The following GPR89B variants were observed in gnomAD, a reference collection of about 807,000 sequenced individuals.
GPR89B encodes golgi pH regulator B, also known as G protein-coupled receptor 89B.
Under a neutral mutation model 52.4 loss-of-function variants are expected in GPR89B, and 25 were observed. The observed-to-expected ratio is 0.48, with a 90% CI of 0.35 to 0.67. The LOEUF (loss-of-function observed/expected upper bound fraction) is 0.67, where lower values mean the gene tolerates loss of function less well. Ranked by LOEUF, GPR89B falls within the 30% of genes least tolerant of loss-of-function variation. GPR89B has a pLI of 0.01. For synonymous variants in GPR89B, 52 were observed against 151.2 expected (o/e 0.34, Z 4.81); for missense variants, 146 against 450.2 (o/e 0.32, Z 6.11).
the GPR89B span, among the ~76,000 whole-genome samples, chr1:148,019,429 G>A: frequency 6.6e-6 from 1 of 151,666 alleles, no homozygotes; most frequent in Non-Finnish European, 1.5e-5. Flanking sequence ...TTGGAGGGTG[G>A]GGGTTGGGAG....
chr1:147,974,868 T>G (rs1258198141), intron 10 of GPR89B, among the ~76,000 whole-genome samples: 1 of 142,016 alleles, frequency 7.0e-6, no homozygotes, highest in Non-Finnish European at 1.5e-5. Context: ...TTATTGAGAG[T>G]TTTTAGCATG....
the GPR89B span, among the ~76,000 whole-genome samples, chr1:148,019,628 C>G: frequency 6.6e-6 from 1 of 151,972 alleles, no homozygotes; most frequent in Non-Finnish European, 1.5e-5. Context: ...AAATAAACAA[C>G]AACAACAAAA....
At chr1:148,011,789 G>A in the GPR89B span, 1 of 152,182 alleles carries the variant, frequency 6.6e-6, no homozygotes, top group Non-Finnish European at 1.5e-5. Flanking sequence ...TGTGTCAATA[G>A]GTGTTAGCCT....
At chr1:147,981,037 G>GA (rs1218923284) in intron 10 of GPR89B, among the ~76,000 whole-genome samples, 3 of 151,366 alleles carry the variant, frequency 2.0e-5, no homozygotes, top group Admixed American at 6.6e-5. Flanking sequence ...GGTTGGGGGG[G>GA]GCTTTTTAAA....
At chr1:147,962,178 C>T (rs1214983335) in intron 7 of GPR89B, among the ~76,000 whole-genome samples, 1 of 151,462 alleles carries the variant, frequency 6.6e-6, no homozygotes, top group African/African-American at 2.4e-5. Flanking sequence ...AATCCCAGCA[C>T]TTTGGGAGGC....
At position 147,965,616 on chromosome 1, in the gene GPR89B, A is replaced by T. The variant is rs1278484028; in HGVS notation, c.618-938A>T. On this transcript the variant is annotated intron_variant, in intron 7 of 13. Coordinates refer to ENST00000314163, the MANE Select transcript of GPR89B (RefSeq NM_016334.5). ...AGTCGGTCCTCCACAGACTGAGAGG[A>T]CCAGGAGTGGTAGGTTTCCTGTTGA... 2.0e-5 allele frequency among the ~76,000 whole-genome samples: 3 copies of T among 152,076 alleles called. No individual in the cohort carries two copies. In the East Asian group the frequency reaches 5.8e-4, roughly 29 times the overall value.
intron 11 of GPR89B, among the ~76,000 whole-genome samples, chr1:147,988,022 G>GT (rs1309041080): frequency 8.6e-5 from 13 of 151,882 alleles, no homozygotes; most frequent in East Asian, 5.8e-4. Context: ...CATTAGTTCT[G>GT]TTTTTTTCTG....
At chr1:147,966,043 C>T (rs1657008958) in intron 7 of GPR89B, among the ~76,000 whole-genome samples, 2 of 151,692 alleles carry the variant, frequency 1.3e-5, no homozygotes, top group African/African-American at 2.4e-5. Flanking sequence ...GATGGGGTTT[C>T]ACCATGTTGC....
intron 5 of GPR89B, among the ~76,000 whole-genome samples, chr1:147,951,575 GAGAA>G (rs1340919018): frequency 6.6e-6 from 1 of 151,868 alleles, no homozygotes; most frequent in Non-Finnish European, 1.5e-5. Flanking sequence ...TGAAACTAAA[GAGAA>G]AGAACTAGCA....
chr1:147,932,365 A>G (rs1452530421), intron 1 of GPR89B, among the ~76,000 whole-genome samples: 2 of 151,970 alleles, frequency 1.3e-5, no homozygotes, highest in Non-Finnish European at 2.9e-5. Flanking sequence ...GTAAGTCCAC[A>G]CTTGGATCAC....
At chr1:147,938,840 C>G (rs1654312801) in intron 3 of GPR89B, 23 bp downstream of exon 3, 1 of 1,458,102 alleles carries the variant, frequency 6.9e-7, no homozygotes, top group African/African-American at 1.5e-5. Context: ...ACTGAAAACT[C>G]CTCTTGAAGA....
intron 5 of GPR89B, among the ~76,000 whole-genome samples, chr1:147,949,039 T>C (rs1205253304): frequency 2.0e-5 from 3 of 152,086 alleles, no homozygotes; most frequent in East Asian, 3.9e-4. Context: ...TAACCCTGAG[T>C]GGACACAGCA....
At chr1:148,016,684 G>A in the GPR89B span, among the ~76,000 whole-genome samples, 6 of 151,852 alleles carry the variant, frequency 4.0e-5, no homozygotes, top group Non-Finnish European at 8.8e-5. Flanking sequence ...GTGAGGCCGG[G>A]AATTGGAGAC....
intron 5 of GPR89B, among the ~76,000 whole-genome samples, chr1:147,945,963 G>A (rs1654938746): frequency 6.6e-6 from 1 of 151,964 alleles, no homozygotes; most frequent in Admixed American, 6.6e-5. Flanking sequence ...TGAGCTCAGG[G>A]GATCGACCCA....
intron 3 of GPR89B, among the ~76,000 whole-genome samples, chr1:147,939,559 A>C (rs1450857217): frequency 6.6e-6 from 1 of 152,168 alleles, no homozygotes; most frequent in Non-Finnish European, 1.5e-5. Flanking sequence ...TGCCAAGGTA[A>C]GTTCATTATA....
At chr1:147,978,267 G>T (rs1249492764) in intron 10 of GPR89B, among the ~76,000 whole-genome samples, 2 of 151,972 alleles carry the variant, frequency 1.3e-5, no homozygotes, top group Non-Finnish European at 2.9e-5. Context: ...GCTGCCATTT[G>T]TTGGGGGTCG....
At chr1:148,000,442 GA>G in the GPR89B span, among the ~76,000 whole-genome samples, 1 of 151,996 alleles carries the variant, frequency 6.6e-6, no homozygotes, top group Non-Finnish European at 1.5e-5. Flanking sequence ...AGATTATCTT[GA>G]AAAAATGTGC....
intron 3 of GPR89B, among the ~76,000 whole-genome samples, chr1:147,939,674 T>C (rs1359545585): frequency 1.3e-5 from 2 of 152,216 alleles, no homozygotes; most frequent in South Asian, 2.1e-4. Flanking sequence ...ACTATACAGA[T>C]GGTTAATCAC....
chr1:147,978,874 G>A (rs1315618537), intron 10 of GPR89B, among the ~76,000 whole-genome samples: 5 of 150,018 alleles, frequency 3.3e-5, no homozygotes, highest in Non-Finnish European at 7.4e-5. Flanking sequence ...TGGCTATCCC[G>A]GGAACTTGGT....
Sources: gnomAD v4.1 joint callset for allele counts (sites outside exome capture counted in the v4.1 genomes callset) on GRCh38, gnomAD v4.1.1 for gene constraint, MANE v1.5 for transcripts, NCBI Gene and HGNC (gene_info 2026-07-23, HGNC 2026-07-21) for gene names.